The following RPTOR variants were observed in gnomAD, a reference collection of about 807,000 sequenced individuals.
RPTOR encodes regulatory associated protein of MTOR complex 1, also known as regulatory-associated protein of mTOR.
A neutral mutation model predicts 169.9 loss-of-function variants in RPTOR; 21 were observed. That is an observed-to-expected ratio of 0.12 (90% CI 0.09 to 0.18). The LOEUF (loss-of-function observed/expected upper bound fraction) is 0.18. RPTOR is among the 10% of genes least tolerant of loss of function. The pLI, the probability that RPTOR is intolerant of heterozygous loss-of-function variation, is 1.00. For synonymous variants in RPTOR, 732 were observed against 753.2 expected, an observed-to-expected ratio of 0.97 and a Z score of 0.46; for missense variants, 1,133 against 1,855.9, an observed-to-expected ratio of 0.61 and a Z score of 7.16.
In RPTOR at chr17:80,726,889, G is replaced by T. The variant is rs1043817141; in HGVS notation, c.508-3671G>T. Among the ~76,000 whole-genome samples, 1 of 152,160 alleles carries T rather than the reference G, an allele frequency of 6.6e-6. No individual in the cohort carries two copies. The highest frequency in any genetic ancestry group is 1.5e-5 in the Non-Finnish European group (1 of 68,030). On this transcript the variant is annotated intron_variant, in intron 4 of 33. Transcript: ENST00000306801. This position sits in a 1 kb window ranked among gnomAD's most constrained non-coding sequence, Gnocchi z 4.5. ...CTGCCCAATTAAAGGACGTCTTTTG[G>T]CCCTTCTTTCCCTTGGCAGCAGCAT...
chr17:80,624,771 T>C (rs2065380225), intron 1 of RPTOR, among the ~76,000 whole-genome samples: 1 of 152,198 alleles, frequency 6.6e-6, no homozygotes, highest in Non-Finnish European at 1.5e-5. Context: ...ACAGAAACAC[T>C]GTACCAAAAT....
rs114669859 is a variant in RPTOR at position 80,565,533 on chromosome 17, G to A, written c.162+19742G>A. Among the ~76,000 whole-genome samples, 999 of 121,714 alleles carry A rather than the reference G, an allele frequency of 8.2e-3. 15 individuals are homozygous for A. Among genetic ancestry groups the A allele is most frequent in the African/African-American group, 0.028 (959 of 34,390 alleles). 79.8% of individuals were successfully genotyped at this position (121,714 alleles called of 152,430 possible). On this transcript the variant is annotated intron_variant, in intron 1 of 33. Coordinates refer to ENST00000306801, the MANE Select transcript of RPTOR (RefSeq NM_020761.3). ...CAGGGGAGAATGTGGTGAAGCAAGC[G>A]GCACTGCTGAGGAGGGGTTAGAGCC...
At chr17:80,770,877 G>A (rs950683718) in intron 6 of RPTOR, among the ~76,000 whole-genome samples, 4 of 152,182 alleles carry the variant, frequency 2.6e-5, no homozygotes, top group African/African-American at 9.7e-5. Flanking sequence ...CTTAAATCGG[G>A]CATCTTCCCC....
At chr17:80,835,661 C>T (rs2067555465) in intron 9 of RPTOR, among the ~76,000 whole-genome samples, 1 of 152,184 alleles carries the variant, frequency 6.6e-6, no homozygotes, top group Non-Finnish European at 1.5e-5. Context: ...TTGTTTCATG[C>T]ACAAAATTGT....
At position 80,878,595 on chromosome 17, in the gene RPTOR, C is replaced by T. The variant is rs1452996077; in HGVS notation, c.1510-1820C>T. Among the ~76,000 whole-genome samples the T allele has an allele frequency of 6.6e-6, 1 of 152,180 alleles. No homozygotes were observed. The highest frequency in any genetic ancestry group is 1.5e-5 in the Non-Finnish European group (1 of 68,038). Reference sequence around the variant, plus strand: ...ACTCCTGACCTTGTGACCCGCCTGTCTCAGCCTCCCAAAGTGCTGGGATTA... The same window carrying T: ...ACTCCTGACCTTGTGACCCGCCTGTTTCAGCCTCCCAAAGTGCTGGGATTA... On this transcript the variant is annotated intron_variant, in intron 13 of 33. Coordinates refer to ENST00000306801, the MANE Select transcript of RPTOR (RefSeq NM_020761.3). The surrounding 1 kb of genome is among the most constrained non-coding windows in gnomAD (Gnocchi z 4.1).
chr17:80,740,375 T>C (rs2066471430), intron 5 of RPTOR, among the ~76,000 whole-genome samples: 1 of 152,164 alleles, frequency 6.6e-6, no homozygotes, highest in Non-Finnish European at 1.5e-5. Flanking sequence ...TTGTACAAGC[T>C]CTTCCAGAAG....
At chr17:80,782,477 G>C (rs906240733) in intron 6 of RPTOR, among the ~76,000 whole-genome samples, 2 of 152,082 alleles carry the variant, frequency 1.3e-5, no homozygotes, top group South Asian at 4.1e-4. Context: ...AAGAATAGGT[G>C]AGGACCCAGC....
At chr17:80,720,109 A>G (rs1174628456) in intron 4 of RPTOR, among the ~76,000 whole-genome samples, 2 of 152,152 alleles carry the variant, frequency 1.3e-5, no homozygotes, top group African/African-American at 4.8e-5. Flanking sequence ...TGAGACCAGC[A>G]TGGTGAAACC....
intron 3 of RPTOR, among the ~76,000 whole-genome samples, chr17:80,698,655 G>C (rs1272629751): frequency 6.6e-6 from 1 of 152,220 alleles, no homozygotes; most frequent in East Asian, 1.9e-4. Flanking sequence ...TGTTTGGAAA[G>C]ATTTCTATAG....
intron 1 of RPTOR, among the ~76,000 whole-genome samples, chr17:80,549,091 T>C (rs1191529655): frequency 1.3e-5 from 2 of 152,192 alleles, no homozygotes; most frequent in Admixed American, 6.5e-5. Flanking sequence ...CCTTGCCCGC[T>C]CTCAGTTGGG....
At chr17:80,849,658 A>G (rs1015154109) in intron 11 of RPTOR, among the ~76,000 whole-genome samples, 1 of 152,200 alleles carries the variant, frequency 6.6e-6, no homozygotes, top group Non-Finnish European at 1.5e-5. Flanking sequence ...AGCTGGGATT[A>G]CAGGCACCCG....
chr17:80,822,608 G>A (rs2067392120), intron 8 of RPTOR, among the ~76,000 whole-genome samples: 1 of 152,244 alleles, frequency 6.6e-6, no homozygotes, highest in African/African-American at 2.4e-5. Flanking sequence ...ATTCACACTG[G>A]CTGGAAACCA....
intron 16 of RPTOR, among the ~76,000 whole-genome samples, chr17:80,884,757 T>C (rs951341955): frequency 6.6e-6 from 1 of 152,184 alleles, no homozygotes; most frequent in Non-Finnish European, 1.5e-5. Flanking sequence ...GGTTTGGTGT[T>C]TCAGTTCCCG....
chr17:80,964,431 G>A lies in RPTOR; in HGVS notation c.*101G>A. 1 of 1,183,680 alleles carries A rather than the reference G, an allele frequency of 8.4e-7. No homozygotes were observed. The highest frequency in any genetic ancestry group is 1.2e-6 in the Non-Finnish European group (1 of 807,928). 73.3% of individuals were successfully genotyped at this position (1,183,680 alleles called of 1,614,324 possible). On this transcript the variant is annotated 3_prime_UTR_variant, in exon 34 of 34. Coordinates refer to ENST00000306801, the MANE Select transcript of RPTOR (RefSeq NM_020761.3). Reference sequence around the variant, plus strand: ...GTCGGCTGCTGCGGCCCCGCAGTGTGAACGTTGGCTGCTGCCTTAGCTGCT... The same window carrying A: ...GTCGGCTGCTGCGGCCCCGCAGTGTAAACGTTGGCTGCTGCCTTAGCTGCT...
At chr17:80,866,444 A>C (rs1470039165) in intron 13 of RPTOR, among the ~76,000 whole-genome samples, 1 of 152,152 alleles carries the variant, frequency 6.6e-6, no homozygotes, top group Non-Finnish European at 1.5e-5. Context: ...AAATGATACA[A>C]ATCAGACTGG....
chr17:80,634,593 T>TGC (rs2065482245), intron 2 of RPTOR, among the ~76,000 whole-genome samples: 1 of 42,578 alleles, frequency 2.3e-5, no homozygotes, highest in Non-Finnish European at 4.8e-5. Context: ...GCGTACTGTG[T>TGC]GTGTGCGTAC....
intron 24 of RPTOR, among the ~76,000 whole-genome samples, chr17:80,930,384 A>ATCCCCACCTCAT (rs2068874968): frequency 1.2e-4 from 1 of 8,632 alleles, no homozygotes; most frequent in African/African-American, 5.0e-4. Context: ...TCCCCAGCTC[A>ATCCCCACCTCAT]GCTCAGCTCA....
At chr17:80,653,743 C>T (rs1402214494) in intron 3 of RPTOR, among the ~76,000 whole-genome samples, 3 of 152,218 alleles carry the variant, frequency 2.0e-5, no homozygotes, top group African/African-American at 7.2e-5. Context: ...CGTTCCTTCC[C>T]CTCCCTGTGT....
At chr17:80,761,006 CCTGT>C (rs1222324319) in intron 6 of RPTOR, among the ~76,000 whole-genome samples, 3 of 151,972 alleles carry the variant, frequency 2.0e-5, no homozygotes, top group South Asian at 2.1e-4. Context: ...TTCATTTTTG[CCTGT>C]CTTTTTCATT....
Sources: allele counts gnomAD v4.1 joint callset (sites outside exome capture counted in the v4.1 genomes callset), GRCh38; gene constraint gnomAD v4.1.1; non-coding constraint Gnocchi (gnomAD v3.1); transcripts MANE v1.5; gene names NCBI Gene and HGNC (gene_info 2026-07-23, HGNC 2026-07-21).